The following MYLK3 variants were observed in gnomAD, a reference collection of about 807,000 sequenced individuals.
MYLK3 encodes the protein MLC kinase.
Under a neutral mutation model 76.3 loss-of-function variants are expected in MYLK3, and 55 were observed. That is an observed-to-expected ratio of 0.72 (90% CI 0.58 to 0.90). The LOEUF (loss-of-function observed/expected upper bound fraction) is 0.90, where lower values mean the gene tolerates loss of function less well. MYLK3 is among the 40% of genes least tolerant of loss of function. The pLI is 0.00. For synonymous variants in MYLK3, 416 were observed against 425.4 expected, an observed-to-expected ratio of 0.98 and a Z score of 0.27; for missense variants, 973 against 1,053.6, an observed-to-expected ratio of 0.92 and a Z score of 1.06.
chr16:46,724,232 T>A (rs994224936), intron 8 of MYLK3, among the ~76,000 whole-genome samples: 3 of 152,214 alleles, frequency 2.0e-5, no homozygotes, highest in Non-Finnish European at 4.4e-5. Context: ...TTTGGAAATA[T>A]TTTCTCCCAT....
intron 1 of MYLK3, among the ~76,000 whole-genome samples, chr16:46,760,380 C>A (rs1375573591): frequency 6.6e-6 from 1 of 152,256 alleles, no homozygotes; most frequent in Non-Finnish European, 1.5e-5. Flanking sequence ...CTTCTCTCAG[C>A]CCTACCGTGG....
At position 46,737,747 on chromosome 16, in the gene MYLK3, G is replaced by C; in HGVS notation, c.965C>G (p.Ala322Gly). 6.2e-7 allele frequency: 1 copy of C among 1,609,662 alleles called. No homozygotes were observed. The highest frequency in any genetic ancestry group is 2.2e-5 in the East Asian group (1 of 44,758). ...CPGPPGLPAQ[A>G]RATHSGGETP... Reference sequence around the variant, plus strand: ...TTCTCCACCACTGTGGGTTGCCCTGGCCTGGGCTGGCAGCCCTGGAGGCCC... The same window carrying C: ...TTCTCCACCACTGTGGGTTGCCCTGCCCTGGGCTGGCAGCCCTGGAGGCCC... The change falls in exon 3 of 13, where the codon GCC becomes GGC. Residue 322 changes from alanine to glycine, a missense_variant. This residue lies in a region of MYLK3 where 641 missense variants were observed against 637.0 expected (regional missense o/e 1.01). Coordinates refer to ENST00000394809, the MANE Select transcript of MYLK3 (RefSeq NM_182493.3).
In MYLK3 at chr16:46,734,030, C is replaced by T. The variant is rs28454652; in HGVS notation, c.1002-1362G>A. 5.8e-3 allele frequency among the ~76,000 whole-genome samples: 886 copies of T among 152,182 alleles called. 2 individuals are homozygous for T. Among genetic ancestry groups the T allele is most frequent in the African/African-American group, 0.02 (838 of 41,534 alleles). ...CTTCAGAAATTAAAAGTAGGATTAC[C>T]GCATGTTTCAGCAACTCCACTTCTG... On this transcript the variant is annotated intron_variant, in intron 3 of 12. Transcript: ENST00000394809.
chr16:46,710,592 G>A lies in MYLK3; in HGVS notation c.2267+45C>T, dbSNP rs183669029. ...AGTCCTGCCCAGCTCCCAGACCTGG[G>A]GTCCCCATCAGAAGGGCCCATGAGT... On this transcript the variant is annotated intron_variant, in intron 11 of 12. Coordinates refer to ENST00000394809, the MANE Select transcript of MYLK3 (RefSeq NM_182493.3). 25 of 1,609,984 alleles carry A rather than the reference G, an allele frequency of 1.6e-5. No homozygotes were observed. In the Admixed American group the frequency reaches 3.5e-4, roughly 23 times the overall value.
At chr16:46,718,410 G>T (rs1966766978) in intron 9 of MYLK3, among the ~76,000 whole-genome samples, 1 of 152,194 alleles carries the variant, frequency 6.6e-6, no homozygotes, top group Non-Finnish European at 1.5e-5. Context: ...TCCTCCTGCG[G>T]TTACACTAGC....
intron 1 of MYLK3, among the ~76,000 whole-genome samples, chr16:46,759,551 G>C (rs1003890292): frequency 1.3e-5 from 2 of 152,120 alleles, no homozygotes; most frequent in Non-Finnish European, 2.9e-5. Flanking sequence ...TCCAAAGTCA[G>C]ACTCGAGTTT....
intron 7 of MYLK3, 107 bp downstream of exon 7, chr16:46,728,917 C>T (rs2143014610): frequency 1.2e-6 from 1 of 810,536 alleles, no homozygotes; most frequent in East Asian, 2.5e-5. Flanking sequence ...CCTGGACGTG[C>T]CAGGAAGGGG....
rs1966686022 is a variant in MYLK3 at position 46,711,748 on chromosome 16, C to A, written c.2114+900G>T. On this transcript the variant is annotated intron_variant, in intron 10 of 12. Coordinates refer to ENST00000394809, the MANE Select transcript of MYLK3 (RefSeq NM_182493.3). The stretch of plus-strand genomic sequence containing the variant: ...GCTTGCTTTACCCACCCAGAAGTAT[C>A]AGGAAATCAATTCCACCCCATCTCC... The A allele has an allele frequency of 1.2e-5, 4 of 330,102 alleles. 1 individual carries two copies. Among genetic ancestry groups the A allele is most frequent in the South Asian group, 9.3e-5 (4 of 43,218 alleles). 20.4% of individuals were successfully genotyped at this position (330,102 alleles called of 1,614,324 possible).
At chr16:46,758,326 T>A (rs1320970554) in intron 1 of MYLK3, among the ~76,000 whole-genome samples, 10 of 150,610 alleles carry the variant, frequency 6.6e-5, no homozygotes, top group African/African-American at 1.5e-4. Flanking sequence ...TCTCTCTCTC[T>A]CTCTCTCTCT....
rs1966587644 is a variant in MYLK3, at chr16:46,702,746, C to G, written c.*4958G>C. On this transcript the variant is annotated 3_prime_UTR_variant, in exon 13 of 13. Coordinates refer to ENST00000394809, the MANE Select transcript of MYLK3 (RefSeq NM_182493.3). ...ACCATCCTGGCCAGCATGGTGAAAG[C>G]CCATCTCTACTAAAAACACAAAAAT... 6.6e-6 allele frequency among the ~76,000 whole-genome samples: 1 copy of G among 152,016 alleles called. No homozygotes were observed. Among genetic ancestry groups the G allele is most frequent in the Non-Finnish European group, 1.5e-5 (1 of 67,998 alleles).
chr16:46,758,114 G>A (rs1967223574), intron 1 of MYLK3, among the ~76,000 whole-genome samples: 1 of 152,108 alleles, frequency 6.6e-6, no homozygotes, highest in Non-Finnish European at 1.5e-5. Flanking sequence ...GCCTGGGGCT[G>A]CAGTGCAGGA....
At chr16:46,730,484 G>T in intron 5 of MYLK3, 109 bp downstream of exon 5, 1 of 871,408 alleles carries the variant, frequency 1.1e-6, no homozygotes, top group Non-Finnish European at 1.9e-6. Flanking sequence ...GGCTCCATCA[G>T]CTCGAGAGAG....
Position 46,707,662 on chromosome 16 carries a change from C to A in MYLK3, c.*42G>T, listed in dbSNP as rs1265396329. Reference sequence around the variant, plus strand: ...AGTCATCTCTTCACTTCACCACTGGCCTCAGTAATTTCTGGACCCATTGGA... The same window carrying A: ...AGTCATCTCTTCACTTCACCACTGGACTCAGTAATTTCTGGACCCATTGGA... On this transcript the variant is annotated 3_prime_UTR_variant, in exon 13 of 13. Transcript: ENST00000394809. 1 of 1,389,804 alleles carries A rather than the reference C, an allele frequency of 7.2e-7. No homozygotes were observed. Among genetic ancestry groups the A allele is most frequent in the Non-Finnish European group, 1.0e-6 (1 of 986,582 alleles). 86.1% of individuals were successfully genotyped at this position (1,389,804 alleles called of 1,614,324 possible).
At chr16:46,739,888 G>C (rs572967267) in intron 2 of MYLK3, among the ~76,000 whole-genome samples, 169 bp downstream of exon 2, 2 of 152,232 alleles carry the variant, frequency 1.3e-5, no homozygotes, top group South Asian at 4.2e-4. Flanking sequence ...TGCAGCAATT[G>C]ACTATGTGTC....
In MYLK3 at chr16:46,747,969, C is replaced by CG; in HGVS notation, c.224dup (p.Gly77ArgfsTer3). ...TGTGGGGAACCCCATCAGCCCCGCC[C>CG]GGGCCCGGTGCCCGGGAGGCCTCCA... On this transcript the variant is annotated frameshift_variant, in exon 1 of 13. Transcript: ENST00000394809. LOFTEE classifies it high-confidence loss of function. The CG allele has an allele frequency of 6.2e-7, 1 of 1,613,110 alleles. No homozygotes were observed. Among genetic ancestry groups the CG allele is most frequent in the Non-Finnish European group, 8.5e-7 (1 of 1,179,814 alleles).
chr16:46,730,862 G>A (rs747499169), intron 4 of MYLK3, among the ~76,000 whole-genome samples, 164 bp from the exon 5 acceptor site: 125 of 152,264 alleles, frequency 8.2e-4, no homozygotes, highest in African/African-American at 2.9e-3. Flanking sequence ...CCATCCATTC[G>A]GCAGAGAAGG....
At position 46,709,557 on chromosome 16, in the gene MYLK3, T is replaced by C. The variant is rs1311152807; in HGVS notation, c.2382A>G (p.Ile794Met). The change falls in exon 12 of 13, where the codon ATA becomes ATG. Residue 794 changes from isoleucine (I) to methionine (M), a missense_variant. This residue lies in a region of MYLK3 where 332 missense variants were observed against 416.6 expected (regional missense o/e 0.80). Coordinates refer to ENST00000394809, the MANE Select transcript of MYLK3 (RefSeq NM_182493.3). Reference protein sequence around the residue: ...LKSQLLLQKYIAQRKWKKHFY... With the variant: ...LKSQLLLQKYMAQRKWKKHFY... ...CAAATACCTTCCATTTTCTTTGAGC[T>C]ATGTATTTCTGCAGCAGTAGTTGGG... The C allele has an allele frequency of 2.5e-6, 4 of 1,613,942 alleles. No homozygotes were observed. The highest frequency in any genetic ancestry group is 3.4e-6 in the Non-Finnish European group (4 of 1,180,010).
chr16:46,737,012 G>C (rs1966871527), intron 3 of MYLK3, among the ~76,000 whole-genome samples: 1 of 152,238 alleles, frequency 6.6e-6, no homozygotes, highest in Admixed American at 6.5e-5. Flanking sequence ...CCTGCTGAAA[G>C]CTCCTGGGGC....
In MYLK3 at chr16:46,732,563, C is replaced by T. The variant is rs1287898704; in HGVS notation, c.1107G>A (p.Gln369=). ...TLTTEAPAAA[Q]PGKQGPPGTG... Reference sequence around the variant, plus strand: ...TCCCAGGTGGGCCCTGCTTGCCTGGCTGGGCAGCTGCTGGAGCCTCTGTGG... The same window carrying T: ...TCCCAGGTGGGCCCTGCTTGCCTGGTTGGGCAGCTGCTGGAGCCTCTGTGG... The change falls in exon 4 of 13, where the codon CAG becomes CAA. Residue 369 remains glutamine (Q), a synonymous_variant. Coordinates refer to ENST00000394809, the MANE Select transcript of MYLK3 (RefSeq NM_182493.3). The T allele has an allele frequency of 6.2e-7, 1 of 1,600,062 alleles. No homozygotes were observed. The highest frequency in any genetic ancestry group is 1.1e-5 in the South Asian group (1 of 90,964).
Sources: allele counts gnomAD v4.1 joint callset (sites outside exome capture counted in the v4.1 genomes callset), GRCh38; gene constraint gnomAD v4.1.1; regional missense constraint gnomAD v4.1.1; transcripts MANE v1.5; gene names NCBI Gene and HGNC (gene_info 2026-07-23, HGNC 2026-07-21).